Variants in PARP4 observed in about 807,000 individuals in gnomAD.
PARP4 encodes poly(ADP-ribose) polymerase family member 4.
Under a neutral mutation model 187.7 loss-of-function variants are expected in PARP4, and 120 were observed. That is an observed-to-expected ratio of 0.64 (90% confidence interval 0.55 to 0.74). The LOEUF is 0.74. PARP4 is among the 30% of genes least tolerant of loss of function. The pLI, the probability that PARP4 is intolerant of heterozygous loss-of-function variation, is 0.00. For synonymous variants in PARP4, 654 were observed against 740.9 expected (o/e 0.88, Z 1.90); for missense variants, 1,836 against 2,070.5 (o/e 0.89, Z 2.20).
chr13:24,502,486 A>G (rs1869355089), intron 2 of PARP4, among the ~76,000 whole-genome samples: 1 of 152,256 alleles, frequency 6.6e-6, no homozygotes, highest in South Asian at 2.1e-4. Flanking sequence ...GAATCCTGCT[A>G]GAGCTACACT....
At chr13:24,436,767 T>A (rs1870660453) in intron 30 of PARP4, among the ~76,000 whole-genome samples, 1 of 152,220 alleles carries the variant, frequency 6.6e-6, no homozygotes, top group African/African-American at 2.4e-5. Flanking sequence ...CAGTTTTATA[T>A]GCATGTCAAG....
chr13:24,506,425 C>T (rs991664579), intron 1 of PARP4, among the ~76,000 whole-genome samples: 1 of 152,118 alleles, frequency 6.6e-6, no homozygotes, highest in Admixed American at 6.5e-5. Flanking sequence ...ACTGCTAGCT[C>T]GGGCAGCCTG....
chr13:24,491,398 C>T (rs759628737), intron 9 of PARP4, among the ~76,000 whole-genome samples: 1 of 152,152 alleles, frequency 6.6e-6, no homozygotes, highest in Non-Finnish European at 1.5e-5. Flanking sequence ...GGCTTACAGG[C>T]GTGAGCCACC....
chr13:24,464,598 C>T (rs770120951), intron 17 of PARP4, among the ~76,000 whole-genome samples: 43 of 152,076 alleles, frequency 2.8e-4, no homozygotes, highest in Non-Finnish European at 5.0e-4. Flanking sequence ...TAGCCATATG[C>T]AGAAAATTAA....
rs1411268400 is a variant in PARP4 at position 24,447,124 on chromosome 13, C to T, written c.3177G>A (p.Gln1059=). 1 of 1,613,544 alleles carries T rather than the reference C, an allele frequency of 6.2e-7. No homozygotes were observed. Among genetic ancestry groups the T allele is most frequent in the Admixed American group, 1.7e-5 (1 of 59,952 alleles). ...CCTCGGGCACATCTGGATTGAGTTG[C>T]TGCCATTTGACGGAGACAGAGTGGC... ...PSCHSVSVKW[Q]QLNPDVPEAL... The change falls in exon 26 of 34, where the codon CAG becomes CAA. Residue 1059 remains glutamine (Q), a synonymous_variant. Coordinates refer to ENST00000381989, the MANE Select transcript of PARP4 (RefSeq NM_006437.4).
chr13:24,449,952 G>A, intron 24 of PARP4, 135 bp from the exon 25 acceptor site: 2 of 491,524 alleles, frequency 4.1e-6, no homozygotes, highest in Non-Finnish European at 7.5e-6. Flanking sequence ...GTGTCGCTGA[G>A]GTTAAACAGA....
intron 17 of PARP4, among the ~76,000 whole-genome samples, chr13:24,463,985 C>A (rs1872331018): frequency 6.6e-6 from 1 of 152,094 alleles, no homozygotes; most frequent in African/African-American, 2.4e-5. Context: ...AAGTCACAAG[C>A]ATTCCTATAC....
intron 9 of PARP4, 129 bp from the exon 10 acceptor site, chr13:24,490,957 AT>A: frequency 5.2e-6 from 4 of 775,244 alleles, no homozygotes; most frequent in Non-Finnish European, 8.1e-6. Flanking sequence ...TACTTTATTT[AT>A]TTTTGAGATG....
intron 7 of PARP4, among the ~76,000 whole-genome samples, chr13:24,494,127 C>A (rs1868813767): frequency 6.6e-6 from 1 of 152,166 alleles, no homozygotes. Flanking sequence ...AAAACACATT[C>A]CCCACTCAAC....
intron 17 of PARP4, among the ~76,000 whole-genome samples, chr13:24,464,175 A>G (rs1300234559): frequency 6.6e-6 from 1 of 152,230 alleles, no homozygotes; most frequent in Non-Finnish European, 1.5e-5. Context: ...AAAACATTCC[A>G]TGCTCATGGA....
Position 24,462,604 on chromosome 13 carries a change from C to T in PARP4, c.2134-2468G>A, listed in dbSNP as rs188394224. 2.0e-5 allele frequency among the ~76,000 whole-genome samples: 3 copies of T among 152,232 alleles called. No homozygotes were observed. The East Asian group carries it at 5.8e-4, about 29-fold the overall frequency. ...AATTAACAGGCAGATTCAGAGATGA[C>T]CATGACACTGCAACAGACAGGACTA... On this transcript the variant is annotated intron_variant, in intron 17 of 33. Transcript: ENST00000381989.
chr13:24,479,657 T>G (rs1396588127), intron 12 of PARP4, among the ~76,000 whole-genome samples: 1 of 152,168 alleles, frequency 6.6e-6, no homozygotes, highest in Non-Finnish European at 1.5e-5. Flanking sequence ...GCTCAGGGAT[T>G]GTAAACGCAC....
At chr13:24,469,589 C>G (rs7316987) in intron 16 of PARP4, among the ~76,000 whole-genome samples, 77,393 of 152,024 alleles carry the variant, frequency 0.51, 20,017 homozygotes, top group South Asian at 0.65. Context: ...GGATTACAGG[C>G]ATGAGCCACT....
At chr13:24,484,014 T>C (rs985123286) in intron 12 of PARP4, among the ~76,000 whole-genome samples, 2 of 152,232 alleles carry the variant, frequency 1.3e-5, no homozygotes, top group African/African-American at 2.4e-5. Context: ...TATTGATTTG[T>C]AGGAACTCTT....
chr13:24,453,755 G>A (rs1658936198), intron 22 of PARP4, 101 bp from the exon 23 acceptor site: 1 of 724,240 alleles, frequency 1.4e-6, no homozygotes, highest in Non-Finnish European at 2.5e-6. Flanking sequence ...CTGTTGTAAA[G>A]GATATTATAT....
At position 24,435,492 on chromosome 13, in the gene PARP4, T is replaced by A; in HGVS notation, c.3667-18A>T. 6.4e-7 allele frequency: 1 copy of A among 1,550,528 alleles called. No individual in the cohort carries two copies. On this transcript the variant is annotated intron_variant, in intron 30 of 33. Coordinates refer to ENST00000381989, the MANE Select transcript of PARP4 (RefSeq NM_006437.4). ...AAAAGAGACTGCCCAGAAGACAGAATTATTAACGTAAGGGGAAAACACAGA... is the reference window on the plus strand; with the variant it reads ...AAAAGAGACTGCCCAGAAGACAGAAATATTAACGTAAGGGGAAAACACAGA...
chr13:24,459,939 C>G lies in PARP4; in HGVS notation c.2298+33G>C, dbSNP rs770941016. The G allele has an allele frequency of 4.4e-6, 7 of 1,594,554 alleles. No homozygotes were observed. The South Asian group carries it at 4.5e-5, about 10-fold the overall frequency. ...TCCACCACTCCCCCTCCACTGCTGC[C>G]AAAATGCTTCTTCAAATCTTATGCG... On this transcript the variant is annotated intron_variant, in intron 18 of 33. Coordinates refer to ENST00000381989, the MANE Select transcript of PARP4 (RefSeq NM_006437.4).
At position 24,469,743 on chromosome 13, in the gene PARP4, C is replaced by T. The variant is rs141213859; in HGVS notation, c.2046+151G>A. Reference sequence around the variant, plus strand: ...AGGGATGCTTGAGGGAGGCTCACTGCGCAAGAACTGATTCTTCAAAGAATA... The same window carrying T: ...AGGGATGCTTGAGGGAGGCTCACTGTGCAAGAACTGATTCTTCAAAGAATA... On this transcript the variant is annotated intron_variant, in intron 16 of 33. Coordinates refer to ENST00000381989, the MANE Select transcript of PARP4 (RefSeq NM_006437.4). 732 of 802,316 alleles carry T rather than the reference C, an allele frequency of 9.1e-4. 3 individuals carry two copies. In the African/African-American group the frequency reaches 0.01, roughly 11 times the overall value. The allele number at this position is 802,316 out of a possible 1,614,324, so 49.7% of individuals were successfully genotyped here.
intron 1 of PARP4, among the ~76,000 whole-genome samples, chr13:24,505,023 A>ATTTTTT (rs1869540249): frequency 3.1e-5 from 3 of 95,736 alleles, no homozygotes; most frequent in African/African-American, 1.3e-4. Flanking sequence ...TTTTTTTTTG[A>ATTTTTT]GTCAGGGTCT....
Sources: allele counts gnomAD v4.1 joint callset (sites outside exome capture counted in the v4.1 genomes callset), GRCh38; gene constraint gnomAD v4.1.1; transcripts MANE v1.5; gene names NCBI Gene and HGNC (gene_info 2026-07-23, HGNC 2026-07-21).